FRK: variants seen among roughly 807,000 people sequenced by gnomAD.
FRK encodes tyrosine-protein kinase FRK.
In FRK, 51 loss-of-function variants were observed where a neutral mutation model predicts 56.4. The observed-to-expected ratio is 0.90, with a 90% CI of 0.72 to 1.14. The LOEUF (loss-of-function observed/expected upper bound fraction) is 1.14, where lower values mean the gene tolerates loss of function less well. FRK is among the 50% of genes most tolerant of loss of function. The pLI, the probability that FRK is intolerant of heterozygous loss-of-function variation, is 0.00. For synonymous variants in FRK, 245 were observed against 217.9 expected, an observed-to-expected ratio of 1.12 and a Z score of -1.10; for missense variants, 570 against 601.4, an observed-to-expected ratio of 0.95 and a Z score of 0.55.
At chr6:116,039,231 C>T (rs987004354) in intron 1 of FRK, 7 of 1,487,170 alleles carry the variant, frequency 4.7e-6, no homozygotes, top group African/African-American at 2.8e-5. Flanking sequence ...GGAGCAAGGT[C>T]GTCCTGGCCT....
intron 1 of FRK, among the ~76,000 whole-genome samples, chr6:116,050,877 G>C (rs1330533652): frequency 6.6e-6 from 1 of 152,192 alleles, no homozygotes; most frequent in African/African-American, 2.4e-5. Flanking sequence ...CTTCTCAAAA[G>C]TGCAACTAGG....
chr6:115,980,919 A>G (rs1449043965), intron 2 of FRK, among the ~76,000 whole-genome samples: 2 of 152,140 alleles, frequency 1.3e-5, no homozygotes, highest in African/African-American at 4.8e-5. Flanking sequence ...TTAGAGACTC[A>G]GCATGATCTA....
At chr6:116,062,032 G>GA (rs1777645578), upstream of FRK, among the ~76,000 whole-genome samples, 1 of 151,680 alleles carries the variant, frequency 6.6e-6, no homozygotes, top group South Asian at 2.1e-4. Context: ...GAAAAGAAAA[G>GA]AAAAGAAAAA....
At chr6:115,947,416 A>G (rs1772511004) in intron 5 of FRK, among the ~76,000 whole-genome samples, 1 of 151,872 alleles carries the variant, frequency 6.6e-6, no homozygotes, top group South Asian at 2.1e-4. Context: ...AGGTGAAATT[A>G]ACTCCTTGCC....
the FRK span, among the ~76,000 whole-genome samples, chr6:116,094,018 T>G: frequency 6.6e-6 from 1 of 152,148 alleles, no homozygotes; most frequent in Non-Finnish European, 1.5e-5. Flanking sequence ...GGCCGCAGCC[T>G]TAGTCATGGC....
chr6:115,976,201 G>T lies in FRK; in HGVS notation c.467-7462C>A, dbSNP rs537229468. ...ATAAAACTTCAGTAATTTTCACCTT[G>T]GAGCCTTTGAGGTAGAAAAGGGTTT... On this transcript the variant is annotated intron_variant, in intron 2 of 7. Transcript: ENST00000606080. Among the ~76,000 whole-genome samples the T allele has an allele frequency of 2.0e-5, 3 of 152,120 alleles. No homozygotes were observed. In the East Asian group the frequency reaches 5.8e-4, roughly 29 times the overall value.
chr6:115,999,495 A>C (rs764900505), intron 2 of FRK, among the ~76,000 whole-genome samples: 2 of 152,122 alleles, frequency 1.3e-5, no homozygotes, highest in Non-Finnish European at 2.9e-5. Context: ...TTCTCAGCCC[A>C]CTCAGCATCA....
upstream of FRK, among the ~76,000 whole-genome samples, chr6:116,062,899 T>C (rs1212567363): frequency 6.6e-6 from 1 of 152,222 alleles, no homozygotes; most frequent in Non-Finnish European, 1.5e-5. Context: ...AAACTTTTTT[T>C]AAAGCTCCTT....
chr6:115,982,826 C>A (rs548074381), intron 2 of FRK, among the ~76,000 whole-genome samples: 1 of 152,062 alleles, frequency 6.6e-6, no homozygotes, highest in Non-Finnish European at 1.5e-5. Context: ...AATCGCAGCA[C>A]TTTGGGAGGC....
the FRK span, among the ~76,000 whole-genome samples, chr6:116,094,112 G>A: frequency 6.6e-6 from 1 of 152,176 alleles, no homozygotes; most frequent in Non-Finnish European, 1.5e-5. Flanking sequence ...TACAAGTGTG[G>A]TTTTCAAGGA....
chr6:115,949,249 C>T (rs1274472607), intron 5 of FRK, among the ~76,000 whole-genome samples: 1 of 130,312 alleles, frequency 7.7e-6, no homozygotes, highest in Non-Finnish European at 1.6e-5. Flanking sequence ...ATATGACTTC[C>T]TCTCTTCCTA....
At chr6:116,019,638 A>T (rs185112171) in intron 1 of FRK, among the ~76,000 whole-genome samples, 2 of 152,296 alleles carry the variant, frequency 1.3e-5, no homozygotes, top group Non-Finnish European at 2.9e-5. Flanking sequence ...TTTGTGGAAA[A>T]GGGAACTAGA....
the FRK span, among the ~76,000 whole-genome samples, chr6:116,082,582 G>C: frequency 1.3e-5 from 2 of 152,184 alleles, no homozygotes; most frequent in Non-Finnish European, 2.9e-5. Flanking sequence ...TCATGAATTA[G>C]ATGTGAGATG....
the FRK span, among the ~76,000 whole-genome samples, chr6:116,098,265 C>A: frequency 2.0e-5 from 3 of 152,160 alleles, no homozygotes; most frequent in South Asian, 6.2e-4. Flanking sequence ...GTGCCTGCCA[C>A]CATACCCTGC....
chr6:116,089,700 C>A, the FRK span, among the ~76,000 whole-genome samples: 1 of 152,196 alleles, frequency 6.6e-6, no homozygotes, highest in South Asian at 2.1e-4. Flanking sequence ...ATAAGGACAA[C>A]AGACAGATTG....
chr6:115,958,683 A>G (rs1279112448), intron 4 of FRK, among the ~76,000 whole-genome samples: 1 of 4,124 alleles, frequency 2.4e-4, no homozygotes, highest in African/African-American at 7.2e-4. Flanking sequence ...AAAGAAAGAA[A>G]GAAAGAAAGA....
At chr6:115,946,694 C>A (rs1439443901) in intron 5 of FRK, among the ~76,000 whole-genome samples, 1 of 152,044 alleles carries the variant, frequency 6.6e-6, no homozygotes, top group Non-Finnish European at 1.5e-5. Flanking sequence ...CAGAGAAACA[C>A]CAATATTGAG....
chr6:116,009,867 C>T (rs1775396648), intron 1 of FRK, among the ~76,000 whole-genome samples: 1 of 152,074 alleles, frequency 6.6e-6, no homozygotes, highest in African/African-American at 2.4e-5. Context: ...GTCTGCAGGA[C>T]ATTGTTGTAT....
the FRK span, among the ~76,000 whole-genome samples, chr6:116,069,060 G>A: frequency 6.6e-6 from 1 of 152,062 alleles, no homozygotes; most frequent in Non-Finnish European, 1.5e-5. Flanking sequence ...GTTATCCATG[G>A]TTTACCCAGG....
Sources: allele counts gnomAD v4.1 joint callset (sites outside exome capture counted in the v4.1 genomes callset), GRCh38; gene constraint gnomAD v4.1.1; transcripts MANE v1.5; gene names NCBI Gene and HGNC (gene_info 2026-07-23, HGNC 2026-07-21).